DLGAP1: variants seen among roughly 807,000 people sequenced by gnomAD.
DLGAP1 encodes disks large-associated protein 1.
A neutral mutation model predicts 90.8 loss-of-function variants in DLGAP1; 11 were observed. That is an observed-to-expected ratio of 0.12 (90% CI 0.08 to 0.20). The LOEUF (loss-of-function observed/expected upper bound fraction) is 0.20. Ranked by LOEUF, DLGAP1 falls within the 10% of genes least tolerant of loss-of-function variation. DLGAP1 has a pLI of 1.00. For synonymous variants in DLGAP1, 558 were observed against 540.7 expected, an observed-to-expected ratio of 1.03 and a Z score of -0.44; for missense variants, 1,050 against 1,333.8, an observed-to-expected ratio of 0.79 and a Z score of 3.31.
At chr18:4,360,318 G>C (rs1567860450) in intron 1 of DLGAP1, among the ~76,000 whole-genome samples, 3 of 152,172 alleles carry the variant, frequency 2.0e-5, no homozygotes, top group Non-Finnish European at 2.9e-5. Context: ...TCATTTTATA[G>C]GGTTACATTA....
intron 7 of DLGAP1, among the ~76,000 whole-genome samples, chr18:3,689,981 A>C (rs1258360065): frequency 6.7e-6 from 1 of 149,010 alleles, no homozygotes; most frequent in Non-Finnish European, 1.5e-5. Flanking sequence ...TATAGTTTGG[A>C]AAGGCCAGCA....
chr18:4,441,028 T>C (rs2083524678), intron 1 of DLGAP1, among the ~76,000 whole-genome samples: 2 of 152,236 alleles, frequency 1.3e-5, no homozygotes, highest in Non-Finnish European at 2.9e-5. Flanking sequence ...AGAACTTTCT[T>C]TCAGGTATAT....
chr18:4,201,375 G>T (rs1241615262), intron 1 of DLGAP1, among the ~76,000 whole-genome samples: 2 of 152,028 alleles, frequency 1.3e-5, no homozygotes, highest in Non-Finnish European at 2.9e-5. Flanking sequence ...TTATTGAATA[G>T]GGGGTCCTTT....
chr18:4,051,379 C>T (rs752388116), intron 2 of DLGAP1, among the ~76,000 whole-genome samples: 3 of 152,144 alleles, frequency 2.0e-5, no homozygotes, highest in African/African-American at 7.2e-5. Flanking sequence ...ACAATTGTGG[C>T]AGAAGGGGAA....
At chr18:3,507,128 G>T (rs573096461) in intron 11 of DLGAP1, among the ~76,000 whole-genome samples, 1 of 151,946 alleles carries the variant, frequency 6.6e-6, no homozygotes, top group African/African-American at 2.4e-5. Context: ...ATTTTCTCTC[G>T]GTTGATCCCT....
At chr18:3,753,043 A>G (rs2063568218) in intron 5 of DLGAP1, among the ~76,000 whole-genome samples, 1 of 152,200 alleles carries the variant, frequency 6.6e-6, no homozygotes, top group South Asian at 2.1e-4. Context: ...AAAACATTTG[A>G]GATAAATGAG....
chr18:3,661,337 G>A (rs1440448487), intron 7 of DLGAP1, among the ~76,000 whole-genome samples: 1 of 152,206 alleles, frequency 6.6e-6, no homozygotes, highest in African/African-American at 2.4e-5. Context: ...TTGAATCTGG[G>A]TAAGCTCTGT....
intron 1 of DLGAP1, among the ~76,000 whole-genome samples, chr18:4,334,119 T>A (rs2081015782): frequency 6.6e-6 from 1 of 151,418 alleles, no homozygotes; most frequent in South Asian, 2.1e-4. Context: ...ATGCCTGTAA[T>A]CCCAGGTACG....
intron 1 of DLGAP1, among the ~76,000 whole-genome samples, chr18:4,156,870 G>A (rs1305371625): frequency 1.3e-5 from 2 of 152,178 alleles, no homozygotes; most frequent in East Asian, 1.9e-4. Flanking sequence ...TGAGAAAGAT[G>A]ATCATGGCCA....
intron 7 of DLGAP1, among the ~76,000 whole-genome samples, chr18:3,640,667 T>C (rs2058905198): frequency 6.6e-6 from 1 of 152,224 alleles, no homozygotes; most frequent in Non-Finnish European, 1.5e-5. Flanking sequence ...AGATGTTTCC[T>C]AGCTGAGGGC....
rs2049687749 is a variant in DLGAP1, at chr18:3,496,040, A to C, written c.*3145T>G. 1 of 152,234 alleles carries C rather than the reference A, an allele frequency of 6.6e-6. No homozygotes were observed. Among genetic ancestry groups the C allele is most frequent in the African/African-American group, 2.4e-5 (1 of 41,464 alleles). 9.4% of individuals were successfully genotyped at this position (152,234 alleles called of 1,614,324 possible). On this transcript the variant is annotated 3_prime_UTR_variant, in exon 13 of 13. Transcript: ENST00000315677. ...AAACACACAGACCTGAAAGCAGTGC[A>C]TTAATTATTTTATTAATTTCTTCTT... is the stretch of plus-strand genomic sequence containing the variant.
At chr18:3,992,048 C>T (rs1169324245) in intron 3 of DLGAP1, among the ~76,000 whole-genome samples, 2 of 152,162 alleles carry the variant, frequency 1.3e-5, no homozygotes, top group Non-Finnish European at 2.9e-5. Context: ...CAAGATGAAT[C>T]TAGATTCATA....
At chr18:3,978,425 T>C in intron 3 of DLGAP1, 1 of 311,104 alleles carries the variant, frequency 3.2e-6, no homozygotes, top group Non-Finnish European at 6.3e-6. Flanking sequence ...AAGCTTCCCA[T>C]TCTCAGTCTT....
chr18:4,144,690 C>G (rs2076555807), intron 2 of DLGAP1, among the ~76,000 whole-genome samples: 2 of 152,140 alleles, frequency 1.3e-5, no homozygotes, highest in Non-Finnish European at 2.9e-5. Flanking sequence ...CTTGCTCCAC[C>G]TCCCTTACTA....
rs1339514297 is a variant in DLGAP1, at chr18:3,534,218, G to A, written c.2455C>T (p.Arg819Trp). The part of the protein sequence containing the change: ...GWCQQMEREE[R>W]ENNLPEDILG... ...CTGTCTTCGGGCAGGTTGTTTTCCCGTTCTTCCCGCTCCATCTGTTGACAC... is the reference window on the plus strand; with the variant it reads ...CTGTCTTCGGGCAGGTTGTTTTCCCATTCTTCCCGCTCCATCTGTTGACAC... Residue 819 changes from arginine (R) to tryptophan (W), a missense_variant, in exon 10 of 13, where the codon CGG becomes TGG. Physicochemically the swap from Arg to Trp is moderately radical, Grantham distance 101. Coordinates refer to ENST00000315677, the MANE Select transcript of DLGAP1 (RefSeq NM_004746.4). 13 of 1,613,930 alleles carry A rather than the reference G, an allele frequency of 8.1e-6. No homozygotes were observed. Among genetic ancestry groups the A allele is most frequent in the South Asian group, 2.2e-5 (2 of 91,052 alleles).
chr18:3,797,343 A>G (rs2148289989), intron 5 of DLGAP1, among the ~76,000 whole-genome samples: 1 of 151,796 alleles, frequency 6.6e-6, no homozygotes, highest in South Asian at 2.1e-4. Context: ...AAAAAAAAGA[A>G]GAAGAACACT....
chr18:4,001,974 C>T (rs536889226), intron 3 of DLGAP1, among the ~76,000 whole-genome samples: 5 of 152,298 alleles, frequency 3.3e-5, no homozygotes, highest in African/African-American at 1.2e-4. Context: ...TTTATTTCTT[C>T]TGATGTGTTG....
intron 7 of DLGAP1, among the ~76,000 whole-genome samples, chr18:3,701,132 G>A (rs116895995): frequency 0.01 from 1,550 of 152,170 alleles, 20 homozygotes; most frequent in Non-Finnish European, 9.9e-3. Flanking sequence ...TTCCAGGCTC[G>A]GCCTCCCAAA....
chr18:3,544,775 G>C (rs547352700), intron 9 of DLGAP1, among the ~76,000 whole-genome samples: 1 of 150,324 alleles, frequency 6.7e-6, no homozygotes, highest in South Asian at 2.1e-4. Context: ...GTCTGGCACT[G>C]TCGCTTAGGC....
Sources: allele counts gnomAD v4.1 joint callset (sites outside exome capture counted in the v4.1 genomes callset), GRCh38; gene constraint gnomAD v4.1.1; transcripts MANE v1.5; gene names NCBI Gene and HGNC (gene_info 2026-07-23, HGNC 2026-07-21).